The following TPTE2 variants were observed in gnomAD, a reference collection of about 807,000 sequenced individuals.
TPTE2 encodes transmembrane phosphoinositide 3-phosphatase and tensin homolog 2.
TPTE2 carries 53 observed loss-of-function variants against 78.6 expected under a neutral mutation model. The ratio of observed to expected loss-of-function variants is 0.67; its 90% confidence interval spans 0.54 to 0.85. TPTE2 has a LOEUF of 0.85. TPTE2 is among the 40% of genes least tolerant of loss of function. The pLI is 0.00. For synonymous variants in TPTE2, 175 were observed against 206.2 expected, an observed-to-expected ratio of 0.85 and a Z score of 1.30; for missense variants, 461 against 623.0, an observed-to-expected ratio of 0.74 and a Z score of 2.77.
At chr13:19,425,421 C>A (rs913041136) in intron 18 of TPTE2, among the ~76,000 whole-genome samples, 4 of 152,264 alleles carry the variant, frequency 2.6e-5, no homozygotes, top group African/African-American at 7.2e-5. Context: ...ATTTTCTGAT[C>A]TCAGAAGCGG....
chr13:19,438,527 A>T (rs2066739068), intron 13 of TPTE2: 1 of 699,154 alleles, frequency 1.4e-6, no homozygotes, highest in Non-Finnish European at 1.8e-6. Flanking sequence ...AATTGCACAA[A>T]TACAGTAGAA....
the TPTE2 span, among the ~76,000 whole-genome samples, chr13:19,558,946 T>A: frequency 2.6e-5 from 4 of 152,218 alleles, no homozygotes; most frequent in African/African-American, 7.2e-5. Flanking sequence ...CTTCTATTTA[T>A]CTGTGCATTA....
At chr13:19,470,206 A>G (rs1879518600) in intron 6 of TPTE2, among the ~76,000 whole-genome samples, 1 of 152,160 alleles carries the variant, frequency 6.6e-6, no homozygotes, top group Non-Finnish European at 1.5e-5. Context: ...TGCTACTTCT[A>G]TACCCAGTTT....
intron 1 of TPTE2, among the ~76,000 whole-genome samples, chr13:19,519,546 A>G (rs1193951326): frequency 2.0e-5 from 3 of 152,142 alleles, no homozygotes; most frequent in African/African-American, 7.2e-5. Flanking sequence ...TGTTTTTTCC[A>G]CTCAATAGTC....
At chr13:19,431,401 C>T (rs1876591561) in intron 16 of TPTE2, among the ~76,000 whole-genome samples, 1 of 152,042 alleles carries the variant, frequency 6.6e-6, no homozygotes, top group African/African-American at 2.4e-5. Context: ...AAATGACCCA[C>T]TTCCCTTAGC....
At chr13:19,560,611 A>G in the TPTE2 span, 1 of 1,600,960 alleles carries the variant, frequency 6.2e-7, no homozygotes. Context: ...GAGGGTAGCC[A>G]CGGCTGGAAG....
At chr13:19,460,826 T>C (rs1439967813) in intron 10 of TPTE2, among the ~76,000 whole-genome samples, 4 of 152,228 alleles carry the variant, frequency 2.6e-5, no homozygotes, top group African/African-American at 9.7e-5. Flanking sequence ...TCAGCTGGCA[T>C]TTCACAGTAA....
At chr13:19,558,710 T>C in the TPTE2 span, among the ~76,000 whole-genome samples, 1 of 152,174 alleles carries the variant, frequency 6.6e-6, no homozygotes, top group African/African-American at 2.4e-5. Context: ...CTTTTGTTTT[T>C]AGGGAGCAGG....
intron 1 of TPTE2, among the ~76,000 whole-genome samples, chr13:19,514,619 G>GTGTGTGTGTGTGTGTGTGTC (rs1433989574): frequency 1.3e-5 from 2 of 151,090 alleles, no homozygotes; most frequent in Non-Finnish European, 3.0e-5. Context: ...GTGTGTGTGT[G>GTGTGTGTGTGTGTGTGTGTC]TGTGTGTGTG....
At chr13:19,449,335 G>A (rs762323367) in intron 13 of TPTE2, among the ~76,000 whole-genome samples, 17 of 152,062 alleles carry the variant, frequency 1.1e-4, no homozygotes, top group African/African-American at 4.1e-4. Context: ...CACCACATCC[G>A]GCTAATGTTT....
At chr13:19,439,460 G>GA (rs1344439640) in intron 13 of TPTE2, among the ~76,000 whole-genome samples, 15 of 152,088 alleles carry the variant, frequency 9.9e-5, no homozygotes, top group East Asian at 3.9e-4. Flanking sequence ...GAAAGAAAAA[G>GA]AAAAATCCTA....
rs142872462 is a variant in TPTE2 at position 19,446,663 on chromosome 13, G to A, written c.973+3413C>T. Among the ~76,000 whole-genome samples, 1,024 of 152,148 alleles carry A rather than the reference G, an allele frequency of 6.7e-3. 8 individuals are homozygous for A. Among genetic ancestry groups the A allele is most frequent in the African/African-American group, 0.022 (903 of 41,480 alleles). On this transcript the variant is annotated intron_variant, in intron 13 of 19. Coordinates refer to ENST00000400230, the Ensembl canonical transcript of TPTE2. ...TATTCAAAATTACAAACTTCTCTCC[G>A]GGCATGATGGCTCATGCCTGTAATC...
intron 13 of TPTE2, among the ~76,000 whole-genome samples, chr13:19,446,013 G>T (rs1877808869): frequency 2.0e-5 from 3 of 152,122 alleles, no homozygotes; most frequent in Admixed American, 2.0e-4. Flanking sequence ...GAAAAAAAGA[G>T]ATTCCATTTT....
rs113635764 is a variant in TPTE2 at position 19,456,571 on chromosome 13, A to G, written c.742-5346T>C. Among the ~76,000 whole-genome samples the G allele has an allele frequency of 3.9e-4, 59 of 152,312 alleles. 1 individual carries two copies. Among genetic ancestry groups the G allele is most frequent in the African/African-American group, 1.4e-3 (57 of 41,572 alleles). ...AAATATCATTTAAAATAGCACAAAA[A>G]CTTATCAACTACATAGAAATAAAAC... On this transcript the variant is annotated intron_variant, in intron 10 of 19. Coordinates refer to ENST00000400230, the Ensembl canonical transcript of TPTE2.
chr13:19,540,972 A>G (rs886111805), upstream of TPTE2, among the ~76,000 whole-genome samples: 6 of 152,190 alleles, frequency 3.9e-5, no homozygotes, highest in Non-Finnish European at 7.3e-5. Context: ...ACAGTTTCTG[A>G]GAGTCTCCTG....
chr13:19,479,314 A>G (rs1880175312), intron 4 of TPTE2, among the ~76,000 whole-genome samples: 1 of 152,176 alleles, frequency 6.6e-6, no homozygotes, highest in African/African-American at 2.4e-5. Flanking sequence ...GGCAGGTTGC[A>G]TTTCTTATCT....
intron 13 of TPTE2, among the ~76,000 whole-genome samples, chr13:19,445,530 A>G (rs1450927714): frequency 2.6e-5 from 4 of 152,254 alleles, no homozygotes; most frequent in East Asian, 3.8e-4. Context: ...TAGAAAACAG[A>G]TGACATTATC....
intron 17 of TPTE2, among the ~76,000 whole-genome samples, chr13:19,427,034 T>A (rs111574406): frequency 3.7e-4 from 56 of 151,804 alleles, no homozygotes; most frequent in African/African-American, 1.3e-3. Flanking sequence ...GGCCAACATG[T>A]TTAGGGTTAT....
intron 15 of TPTE2, among the ~76,000 whole-genome samples, chr13:19,435,940 C>T (rs1877051290): frequency 1.3e-5 from 2 of 152,106 alleles, no homozygotes; most frequent in South Asian, 2.1e-4. Context: ...GCCTTGGGTA[C>T]TGGACCTTCC....
Sources: gnomAD v4.1 joint callset for allele counts (sites outside exome capture counted in the v4.1 genomes callset) on GRCh38, gnomAD v4.1.1 for gene constraint, MANE v1.5 for transcripts, NCBI Gene and HGNC (gene_info 2026-07-23, HGNC 2026-07-21) for gene names.